Variants in ZNF628 observed in about 807,000 individuals in gnomAD.
The protein encoded by ZNF628 is zinc finger protein 628, also known as zinc finger protein Zec.
In ZNF628, 3 loss-of-function variants were observed where a neutral mutation model predicts 2.5. The ratio of observed to expected loss-of-function variants is 1.19; its 90% CI spans 0.54 to 3.07. The LOEUF (loss-of-function observed/expected upper bound fraction) is 3.07, where lower values mean the gene tolerates loss of function less well. Ranked by LOEUF, ZNF628 falls within the 30% of genes most tolerant of loss-of-function variation. ZNF628 has a pLI of 0.03. For synonymous variants in ZNF628, 861 were observed against 717.1 expected (o/e 1.20, Z -3.21); for missense variants, 1,610 against 1,517.1 (o/e 1.06, Z -1.02).
chr19:55,482,006 GCCGCCCCCGCCC>G lies in ZNF628; in HGVS notation c.820_831del (p.Pro274_Pro277del). ...ACAGCCCGCCCGCGCCTCCCGCCCC[GCCGCCCCCGCCC>G]CCGCCCGTGGTGCCTGAGCTCTTTT... On this transcript the variant is annotated inframe_deletion, in exon 3 of 3. Transcript: ENST00000598519. 1 of 1,157,620 alleles carries G rather than the reference GCCGCCCCCGCCC, an allele frequency of 8.6e-7. No individual in the cohort carries two copies. The highest frequency in any genetic ancestry group is 1.5e-5 in the South Asian group (1 of 66,784). The allele number at this position is 1,157,620 out of a possible 1,614,324, so 71.7% of individuals were successfully genotyped here. A position where few individuals can be genotyped will look rare whatever the true frequency, so the allele number is the denominator to read the frequency against.
chr19:55,483,404 C>A lies in ZNF628; in HGVS notation c.2211C>A (p.Pro737=). Residue 737 remains proline, a synonymous_variant, in exon 3 of 3, where the codon CCC becomes CCA. Transcript: ENST00000598519. Reference sequence around the variant, plus strand: ...AGCCCCCTACACCTCCGCCCCCTCCCGCACCTCCCAAGCTCATCCTGCTGC... The same window carrying A: ...AGCCCCCTACACCTCCGCCCCCTCCAGCACCTCCCAAGCTCATCCTGCTGC... ...SVQPPTPPPP[P]APPKLILLPS... is the part of the protein sequence containing the mutation. The A allele has an allele frequency of 6.5e-7, 1 of 1,531,146 alleles. No homozygotes were observed. The allele number at this position is 1,531,146 out of a possible 1,614,324, so 94.8% of individuals were successfully genotyped here. A position where few individuals can be genotyped will look rare whatever the true frequency, so the allele number is the denominator to read the frequency against.
In ZNF628 at chr19:55,484,418, T is replaced by C; in HGVS notation, c.*45T>C. On this transcript the variant is annotated 3_prime_UTR_variant, in exon 3 of 3. Transcript: ENST00000598519. ...TCCCGCCCCGCACAGAGACCCCGAC[T>C]CACTGCCAGCCGGGGCGGGGCAGGG... The C allele has an allele frequency of 7.1e-7, 1 of 1,405,026 alleles. No homozygotes were observed. The highest frequency in any genetic ancestry group is 9.3e-7 in the Non-Finnish European group (1 of 1,072,136). The allele number at this position is 1,405,026 out of a possible 1,614,324, so 87.0% of individuals were successfully genotyped here. A position where few individuals can be genotyped will look rare whatever the true frequency, so the allele number is the denominator to read the frequency against.
In ZNF628 at chr19:55,482,310, C is replaced by T. The variant is rs1599899862; in HGVS notation, c.1117C>T (p.Arg373Cys). 11 of 1,468,418 alleles carry T rather than the reference C, an allele frequency of 7.5e-6. No individual in the cohort carries two copies. Among genetic ancestry groups the T allele is most frequent in the South Asian group, 1.3e-5 (1 of 78,156 alleles). The allele number at this position is 1,468,418 out of a possible 1,614,324, so 91.0% of individuals were successfully genotyped here. ...CTTCCGGACGGTGGCTGGGCTCTCC[C>T]GCCACCAGCACAGCCACGGGGCTGC... ...KSFRTVAGLS[R>C]HQHSHGAAGG... The change falls in exon 3 of 3, where the codon CGC becomes TGC. Residue 373 changes from arginine to cysteine, a missense_variant. Physicochemically the swap from Arg to Cys is radical, Grantham distance 180. Transcript: ENST00000598519.
In ZNF628 at chr19:55,483,510, G is replaced by A. The variant is rs373429674; in HGVS notation, c.2317G>A (p.Val773Met). 2.8e-5 allele frequency: 43 copies of A among 1,557,152 alleles called. No individual in the cohort carries two copies. The highest frequency in any genetic ancestry group is 3.6e-5 in the Admixed American group (2 of 55,082). The change falls in exon 3 of 3, where the codon GTG becomes ATG. Residue 773 changes from valine to methionine, a missense_variant. By Grantham distance (21) the Val-to-Met change is conservative (BLOSUM62 1). Transcript: ENST00000598519. ...GGGGAAAGCGGGCCAGGGGGCGGGAGTGGTCTGGCTGCCAGGCCCTGGGGG... is the reference window on the plus strand; with the variant it reads ...GGGGAAAGCGGGCCAGGGGGCGGGAATGGTCTGGCTGCCAGGCCCTGGGGG... ...AVGKAGQGAG[V>M]VWLPGPGGLG...
rs139724904 is a variant in ZNF628, at chr19:55,482,977, G to A, written c.1784G>A (p.Arg595His). The A allele has an allele frequency of 1.5e-4, 235 of 1,610,962 alleles. 1 individual carries two copies. In the African/African-American group the frequency reaches 1.5e-3, roughly 10 times the overall value. ...QRVHTGERPF[R>H]CPLCPKTFTH... ...GTGCACACGGGCGAGCGGCCCTTCC[G>A]CTGCCCGCTCTGCCCCAAGACCTTC... Residue 595 changes from arginine (R) to histidine (H), a missense_variant, in exon 3 of 3, where the codon CGC becomes CAC. Coordinates refer to ENST00000598519, the MANE Select transcript of ZNF628 (RefSeq NM_033113.3).
Position 55,483,937 on chromosome 19 carries a change from G to A in ZNF628, c.2744G>A (p.Ser915Asn). The A allele has an allele frequency of 5.1e-6, 8 of 1,573,896 alleles. No individual in the cohort carries two copies. Among genetic ancestry groups the A allele is most frequent in the Non-Finnish European group, 6.9e-6 (8 of 1,158,930 alleles). ...GPGEAGDGEA[S>N]TGVVQDVLFE... ...GGGGAGGCGGGGGATGGCGAGGCCAGCACTGGTGTGGTCCAGGATGTCCTC... is the reference window on the plus strand; with the variant it reads ...GGGGAGGCGGGGGATGGCGAGGCCAACACTGGTGTGGTCCAGGATGTCCTC... The change falls in exon 3 of 3, where the codon AGC (serine) becomes AAC (asparagine). Residue 915 changes from serine to asparagine, a missense_variant. Physicochemically the swap from Ser to Asn is conservative, Grantham distance 46 (BLOSUM62 1). Coordinates refer to ENST00000598519, the MANE Select transcript of ZNF628 (RefSeq NM_033113.3).
intron 1 of ZNF628, among the ~76,000 whole-genome samples, chr19:55,478,851 C>T (rs1017744023): frequency 6.6e-6 from 1 of 152,114 alleles, no homozygotes; most frequent in Non-Finnish European, 1.5e-5. Flanking sequence ...AGACGGCTGC[C>T]ATTTTCAGAG....
Position 55,482,806 on chromosome 19 carries a change from A to T in ZNF628, c.1613A>T (p.Tyr538Phe). 2 of 1,610,646 alleles carry T rather than the reference A, an allele frequency of 1.2e-6. No individual in the cohort carries two copies. Among genetic ancestry groups the T allele is most frequent in the South Asian group, 2.2e-5 (2 of 90,844 alleles). Residue 538 changes from tyrosine (Y) to phenylalanine (F), a missense_variant, in exon 3 of 3, where the codon TAC becomes TTC. By Grantham distance (22) the Tyr-to-Phe change is conservative. Around this residue, in one of 5 missense-constraint regions of ZNF628, gnomAD observed 651 missense variants for 575.6 expected, o/e 1.13. Coordinates refer to ENST00000598519, the MANE Select transcript of ZNF628 (RefSeq NM_033113.3). ...CGGCTGCACTCTGGCGAGCGGCCCT[A>T]CGCCTGCGGGGAGTGTGGCAAGGCC... ...HLRLHSGERP[Y>F]ACGECGKAFR... is the part of the protein sequence containing the mutation.
chr19:55,480,951 A>G (rs1986683335), intron 2 of ZNF628, among the ~76,000 whole-genome samples: 1 of 152,164 alleles, frequency 6.6e-6, no homozygotes, highest in African/African-American at 2.4e-5. Flanking sequence ...AGACCTGGCT[A>G]GCCTCCTAAG....
At chr19:55,477,366 T>G (rs769958735) in intron 1 of ZNF628, among the ~76,000 whole-genome samples, 9,465 of 151,818 alleles carry the variant, frequency 0.062, 369 homozygotes, top group East Asian at 0.12. Context: ...TTTTTTTTTT[T>G]TTTTTTTTTC....
rs577709043 is a variant in ZNF628 at position 55,479,987 on chromosome 19, C to T, written c.7+70C>T. On this transcript the variant is annotated intron_variant, in intron 2 of 2. Transcript: ENST00000598519. The surrounding 1 kb of genome is among the most constrained non-coding windows in gnomAD (Gnocchi z 5.1). Reference sequence around the variant, plus strand: ...CCAGGGAGGGTGATGGTGAGGGGGCCGCAGATTTTGTGGGCTTGAAGGGAA... The same window carrying T: ...CCAGGGAGGGTGATGGTGAGGGGGCTGCAGATTTTGTGGGCTTGAAGGGAA... The T allele has an allele frequency of 1.0e-5, 4 of 398,752 alleles. No homozygotes were observed. The highest frequency in any genetic ancestry group is 6.3e-4 in the Middle Eastern group (1 of 1,592). 24.7% of individuals were successfully genotyped at this position (398,752 alleles called of 1,614,324 possible). A position where few individuals can be genotyped will look rare whatever the true frequency, so the allele number is the denominator to read the frequency against.
Position 55,482,108 on chromosome 19 carries a change from C to T in ZNF628, c.915C>T (p.Ser305=). 4 of 1,510,044 alleles carry T rather than the reference C, an allele frequency of 2.6e-6. No homozygotes were observed. The highest frequency in any genetic ancestry group is 2.7e-5 in the East Asian group (1 of 37,074). The allele number at this position is 1,510,044 out of a possible 1,614,324, so 93.5% of individuals were successfully genotyped here. Residue 305 remains serine, a synonymous_variant, in exon 3 of 3, where the codon AGC becomes AGT. Coordinates refer to ENST00000598519, the MANE Select transcript of ZNF628 (RefSeq NM_033113.3). Reference sequence around the variant, plus strand: ...GCGATGGCTGCGAGCAGGGATTCAGCAGCGAGGAGCTGCTCCTGGAGCACC... The same window carrying T: ...GCGATGGCTGCGAGCAGGGATTCAGTAGCGAGGAGCTGCTCCTGGAGCACC... ...YRCDGCEQGF[S]SEELLLEHQP...
rs764923716 is a variant in ZNF628 at position 55,482,679 on chromosome 19, C to T, written c.1486C>T (p.Leu496=). The change falls in exon 3 of 3, where the codon CTG becomes TTG. Residue 496 remains leucine, a synonymous_variant. Coordinates refer to ENST00000598519, the MANE Select transcript of ZNF628 (RefSeq NM_033113.3). ...ECGKAFKRSS[L]LAIHQRVHTG... is the part of the protein sequence containing the mutation. ...CGGCAAGGCCTTCAAGCGCTCCTCC[C>T]TGCTGGCCATCCACCAGCGGGTGCA... The T allele has an allele frequency of 1.2e-5, 19 of 1,612,014 alleles. No homozygotes were observed. In the South Asian group the frequency reaches 1.9e-4, roughly 16 times the overall value.
rs756459119 is a variant in ZNF628 at position 55,483,777 on chromosome 19, G to A, written c.2584G>A (p.Val862Met). The change falls in exon 3 of 3, where the codon GTG becomes ATG. Residue 862 changes from valine to methionine, a missense_variant. Transcript: ENST00000598519. ...TTVQLQPAQE[V>M]TTVQLQPVAG... Reference sequence around the variant, plus strand: ...GGTCCAGCTCCAGCCAGCACAGGAGGTGACCACGGTCCAGCTCCAGCCCGT... The same window carrying A: ...GGTCCAGCTCCAGCCAGCACAGGAGATGACCACGGTCCAGCTCCAGCCCGT... The A allele has an allele frequency of 3.7e-6, 6 of 1,613,498 alleles. No homozygotes were observed. Among genetic ancestry groups the A allele is most frequent in the Middle Eastern group, 1.6e-4 (1 of 6,080 alleles).
rs1453580939 is a variant in ZNF628 at position 55,481,883 on chromosome 19, C to G, written c.690C>G (p.Pro230=). 5 of 1,519,534 alleles carry G rather than the reference C, an allele frequency of 3.3e-6. No homozygotes were observed. The highest frequency in any genetic ancestry group is 4.4e-6 in the Non-Finnish European group (5 of 1,136,462). 94.1% of individuals were successfully genotyped at this position (1,519,534 alleles called of 1,614,324 possible). The part of the protein sequence containing the change: ...LLHQRTHGAA[P]APGTASAAPP... ...ACCAGCGCACGCACGGCGCCGCCCC[C>G]GCCCCGGGTACCGCCTCCGCGGCCC... The change falls in exon 3 of 3, where the codon CCC becomes CCG. Residue 230 remains proline (P), a synonymous_variant. Transcript: ENST00000598519.
In ZNF628 at chr19:55,483,163, C is replaced by T. The variant is rs200785885; in HGVS notation, c.1970C>T (p.Ala657Val). Residue 657 changes from alanine to valine, a missense_variant, in exon 3 of 3, where the codon GCC becomes GTC. By Grantham distance (64) the Ala-to-Val change is moderately conservative. Transcript: ENST00000598519. Reference protein sequence around the residue: ...ANTPPSTTAPAAGPQPPAPLA... With the variant: ...ANTPPSTTAPVAGPQPPAPLA... ...ACGCCTCCCAGCACCACAGCCCCTGCCGCCGGCCCCCAGCCCCCTGCTCCA... is the reference window on the plus strand; with the variant it reads ...ACGCCTCCCAGCACCACAGCCCCTGTCGCCGGCCCCCAGCCCCCTGCTCCA... 1.1e-4 allele frequency: 168 copies of T among 1,553,492 alleles called. No individual in the cohort carries two copies. In the African/African-American group the frequency reaches 2.2e-3, roughly 21 times the overall value.
Position 55,482,042 on chromosome 19 carries a change from T to C in ZNF628, c.849T>C (p.Phe283=), listed in dbSNP as rs945310344. The part of the protein sequence containing the change: ...PPPPPVVPEL[F]LAAAETTVEL... ...CCCCGCCCGTGGTGCCTGAGCTCTTTTTGGCGGCGGCGGAGACCACGGTGG... is the reference window on the plus strand; with the variant it reads ...CCCCGCCCGTGGTGCCTGAGCTCTTCTTGGCGGCGGCGGAGACCACGGTGG... The change falls in exon 3 of 3, where the codon TTT becomes TTC. Residue 283 remains phenylalanine (F), a synonymous_variant. Coordinates refer to ENST00000598519, the MANE Select transcript of ZNF628 (RefSeq NM_033113.3). 1.7e-4 allele frequency: 244 copies of C among 1,478,244 alleles called. No homozygotes were observed. The highest frequency in any genetic ancestry group is 2.1e-4 in the Non-Finnish European group (229 of 1,115,948). The allele number at this position is 1,478,244 out of a possible 1,614,324, so 91.6% of individuals were successfully genotyped here.
At position 55,483,289 on chromosome 19, in the gene ZNF628, C is replaced by G. The variant is rs1465168676; in HGVS notation, c.2096C>G (p.Ala699Gly). 50 of 1,518,564 alleles carry G rather than the reference C, an allele frequency of 3.3e-5. No individual in the cohort carries two copies. The highest frequency in any genetic ancestry group is 4.2e-5 in the Non-Finnish European group (48 of 1,137,196). 94.1% of individuals were successfully genotyped at this position (1,518,564 alleles called of 1,614,324 possible). A position where few individuals can be genotyped will look rare whatever the true frequency, so the allele number is the denominator to read the frequency against. Residue 699 changes from alanine (A) to glycine (G), a missense_variant, in exon 3 of 3, where the codon GCC becomes GGC. This residue lies in a region of ZNF628 where 712 missense variants were observed against 603.6 expected (regional missense o/e 1.18). Transcript: ENST00000598519. Reference protein sequence around the residue: ...SLEVAGGTAQAPSLGPAAPNS... With the variant: ...SLEVAGGTAQGPSLGPAAPNS... Reference sequence around the variant, plus strand: ...GAGGTGGCGGGGGGCACGGCCCAGGCCCCGAGCTTGGGGCCAGCAGCGCCC... The same window carrying G: ...GAGGTGGCGGGGGGCACGGCCCAGGGCCCGAGCTTGGGGCCAGCAGCGCCC...
rs551284706 is a variant in ZNF628 at position 55,483,534 on chromosome 19, G to C, written c.2341G>C (p.Gly781Arg). Residue 781 changes from glycine (G) to arginine (R), a missense_variant, in exon 3 of 3, where the codon GGT becomes CGT. Around this residue, in one of 5 missense-constraint regions of ZNF628, gnomAD observed 712 missense variants for 603.6 expected, o/e 1.18. Transcript: ENST00000598519. ...AGVVWLPGPGGLGVQGAASAG... is the reference protein window; with the variant it reads ...AGVVWLPGPGRLGVQGAASAG... ...AGTGGTCTGGCTGCCAGGCCCTGGG[G>C]GTCTAGGGGTGCAGGGAGCGGCCAG... The C allele has an allele frequency of 4.6e-5, 72 of 1,576,424 alleles. 1 individual carries two copies. The South Asian group carries it at 8.5e-4, about 19-fold the overall frequency.
Sources: gnomAD v4.1 joint callset for allele counts (sites outside exome capture counted in the v4.1 genomes callset) on GRCh38, gnomAD v4.1.1 for gene constraint, gnomAD v4.1.1 regional missense constraint, Gnocchi (gnomAD v3.1) non-coding constraint, MANE v1.5 for transcripts, NCBI Gene and HGNC (gene_info 2026-07-23, HGNC 2026-07-21) for gene names.